Variants in PCDH7 observed in about 807,000 individuals in gnomAD.
PCDH7 encodes protocadherin-7.
A neutral mutation model predicts 58.9 loss-of-function variants in PCDH7; 17 were observed. The ratio of observed to expected loss-of-function variants is 0.29; its 90% CI spans 0.20 to 0.43. The LOEUF (loss-of-function observed/expected upper bound fraction) is 0.43. PCDH7 is among the 20% of genes least tolerant of loss of function. The pLI is 1.00. For missense variants in PCDH7, 1,274 were observed against 1,441.0 expected (o/e 0.88, Z 1.88); for synonymous variants, 664 against 616.4 (o/e 1.08, Z -1.14).
intron 1 of PCDH7, among the ~76,000 whole-genome samples, chr4:30,758,482 C>G (rs2109265972): frequency 6.6e-6 from 1 of 152,276 alleles, no homozygotes; most frequent in South Asian, 2.1e-4. Context: ...GCAGTTACTG[C>G]CCGTAAGTTT....
intron 1 of PCDH7, chr4:30,793,852 ATAAAGGTAAT>A (rs1201232512): frequency 1.3e-5 from 2 of 152,242 alleles, no homozygotes; most frequent in Non-Finnish European, 2.9e-5. Flanking sequence ...GAAGATAAGT[ATAAAGGTAAT>A]CATGGTTTTG....
At chr4:30,931,068 A>G (rs1368631556) in intron 2 of PCDH7, among the ~76,000 whole-genome samples, 1 of 152,230 alleles carries the variant, frequency 6.6e-6, no homozygotes, top group Admixed American at 6.5e-5. Flanking sequence ...AGATGAAGAT[A>G]AAGAAGTAGA....
chr4:30,859,507 T>A (rs531499448), intron 1 of PCDH7, among the ~76,000 whole-genome samples: 5 of 151,732 alleles, frequency 3.3e-5, no homozygotes, highest in Admixed American at 1.3e-4. Context: ...TGGTGCAATC[T>A]CGACTCACTG....
At chr4:30,866,547 C>A (rs1390294123) in intron 1 of PCDH7, among the ~76,000 whole-genome samples, 1 of 151,952 alleles carries the variant, frequency 6.6e-6, no homozygotes, top group Admixed American at 6.6e-5. Context: ...AAATATACTC[C>A]AGTTTCTAAC....
intron 3 of PCDH7, among the ~76,000 whole-genome samples, chr4:31,136,457 A>T (rs1578892091): frequency 1.3e-5 from 2 of 152,210 alleles, no homozygotes; most frequent in Non-Finnish European, 2.9e-5. Flanking sequence ...TGCTCTTTGC[A>T]GGAAGGGCCC....
intron 3 of PCDH7, among the ~76,000 whole-genome samples, chr4:31,112,234 C>T (rs1436938100): frequency 6.6e-6 from 1 of 152,106 alleles, no homozygotes; most frequent in Non-Finnish European, 1.5e-5. Flanking sequence ...TTTCCTTAAG[C>T]AAACAAGATT....
chr4:30,943,612 C>G (rs1019391255), intron 2 of PCDH7, among the ~76,000 whole-genome samples: 4 of 152,096 alleles, frequency 2.6e-5, no homozygotes, highest in Non-Finnish European at 5.9e-5. Context: ...TCACTGCTGG[C>G]CAACTCTTCC....
chr4:30,729,017 G>T (rs925704080), intron 1 of PCDH7, among the ~76,000 whole-genome samples: 23 of 151,810 alleles, frequency 1.5e-4, no homozygotes, highest in African/African-American at 5.1e-4. Flanking sequence ...ACAGCTTAAT[G>T]ACTGTACATG....
chr4:30,918,759 C>T (rs770164747), intron 1 of PCDH7, among the ~76,000 whole-genome samples: 31 of 152,080 alleles, frequency 2.0e-4, no homozygotes, highest in Non-Finnish European at 3.7e-4. Context: ...CAAATAAGTA[C>T]ATGAATTGTG....
At chr4:31,116,112 T>TA (rs796238967) in intron 3 of PCDH7, among the ~76,000 whole-genome samples, 1 of 152,150 alleles carries the variant, frequency 6.6e-6, no homozygotes, top group African/African-American at 2.4e-5. Flanking sequence ...GAAATGATCC[T>TA]AAAAAATCTA....
chr4:31,146,089 C>T (rs1720654870), downstream of PCDH7: 1 of 152,036 alleles, frequency 6.6e-6, no homozygotes, highest in African/African-American at 2.4e-5. Context: ...TGTATGGTTT[C>T]TGACTGGCCT....
intron 3 of PCDH7, among the ~76,000 whole-genome samples, chr4:31,112,005 A>G (rs1287266008): frequency 6.6e-6 from 1 of 152,218 alleles, no homozygotes; most frequent in Non-Finnish European, 1.5e-5. Context: ...CAGCATTTAA[A>G]ACCATGATTG....
intron 3 of PCDH7, among the ~76,000 whole-genome samples, chr4:31,088,820 G>A (rs763190621): frequency 4.6e-5 from 7 of 151,972 alleles, no homozygotes; most frequent in East Asian, 1.9e-4. Flanking sequence ...ATAAGTAACC[G>A]TAATTCTTTT....
At chr4:30,858,783 T>G (rs1350545265) in intron 1 of PCDH7, among the ~76,000 whole-genome samples, 1 of 152,172 alleles carries the variant, frequency 6.6e-6, no homozygotes, top group Non-Finnish European at 1.5e-5. Context: ...CTTGTTATCA[T>G]GCTGAGATTC....
intron 2 of PCDH7, among the ~76,000 whole-genome samples, chr4:30,933,510 T>A (rs1027392345): frequency 1.3e-5 from 2 of 152,200 alleles, no homozygotes; most frequent in Non-Finnish European, 2.9e-5. Flanking sequence ...TTTTCTCTTG[T>A]CTTTAGGGTC....
At chr4:30,831,323 G>T (rs1316623947) in intron 1 of PCDH7, among the ~76,000 whole-genome samples, 2 of 152,134 alleles carry the variant, frequency 1.3e-5, no homozygotes, top group African/African-American at 4.8e-5. Context: ...AAAGGAGCCT[G>T]GGATATGGAC....
chr4:30,875,130 G>T (rs1221263721), intron 1 of PCDH7, among the ~76,000 whole-genome samples: 1 of 152,020 alleles, frequency 6.6e-6, no homozygotes, highest in Non-Finnish European at 1.5e-5. Flanking sequence ...TCACAGTCTG[G>T]AGGCTAGAAA....
chr4:30,870,857 A>G (rs984968630), intron 1 of PCDH7, among the ~76,000 whole-genome samples: 1 of 152,104 alleles, frequency 6.6e-6, no homozygotes, highest in African/African-American at 2.4e-5. Context: ...TTAGAGGTCC[A>G]CATCTAGTTA....
intron 1 of PCDH7, among the ~76,000 whole-genome samples, chr4:30,730,285 G>C (rs1715295545): frequency 6.6e-6 from 1 of 151,726 alleles, no homozygotes; most frequent in Admixed American, 6.6e-5. Context: ...AGTAAGCTTT[G>C]CTTTTCTTAG....
Sources: allele counts gnomAD v4.1 joint callset (sites outside exome capture counted in the v4.1 genomes callset), GRCh38; gene constraint gnomAD v4.1.1; transcripts MANE v1.5; gene names NCBI Gene and HGNC (gene_info 2026-07-23, HGNC 2026-07-21).